GGNBP2: variants seen among roughly 807,000 people sequenced by gnomAD.
GGNBP2 encodes gametogenetin binding protein 2.
Under a neutral mutation model 85.9 loss-of-function variants are expected in GGNBP2, and 10 were observed. That is an observed-to-expected ratio of 0.12 (90% CI 0.07 to 0.20). GGNBP2 has a LOEUF of 0.20. Ranked by LOEUF, GGNBP2 falls within the 10% of genes least tolerant of loss-of-function variation. The pLI is 1.00. For missense variants in GGNBP2, 595 were observed against 857.8 expected (o/e 0.69, Z 3.83); for synonymous variants, 287 against 285.7 (o/e 1.00, Z -0.05).
At chr17:36,558,501 G>A (rs918805627) in intron 4 of GGNBP2, among the ~76,000 whole-genome samples, 2 of 150,156 alleles carry the variant, frequency 1.3e-5, no homozygotes, top group Admixed American at 6.6e-5. Flanking sequence ...TGTTGCCCAG[G>A]CTGGAGTGCA....
chr17:36,573,934 T>C (rs1196195199), intron 6 of GGNBP2, among the ~76,000 whole-genome samples: 2 of 152,158 alleles, frequency 1.3e-5, no homozygotes, highest in Non-Finnish European at 2.9e-5. Flanking sequence ...TGCAGTGGCA[T>C]GATCACGGCT....
intron 6 of GGNBP2, among the ~76,000 whole-genome samples, chr17:36,571,751 G>T (rs1307569300): frequency 1.3e-5 from 2 of 152,200 alleles, no homozygotes; most frequent in Non-Finnish European, 2.9e-5. Flanking sequence ...GCTGAGGCAG[G>T]AGAATGGCGT....
rs374366757 is a variant in GGNBP2, at chr17:36,575,648, A to ATATATATATT, written c.642-2334_642-2333insATATATATTT. 1.6e-3 allele frequency among the ~76,000 whole-genome samples: 88 copies of ATATATATATT among 54,898 alleles called. 1 individual carries two copies. The highest frequency in any genetic ancestry group is 2.7e-3 in the African/African-American group (25 of 9,190). 36.0% of individuals were successfully genotyped at this position (54,898 alleles called of 152,430 possible). On this transcript the variant is annotated intron_variant, in intron 6 of 13. Transcript: ENST00000613102. ...TATATATATATATATATATATATAT[A>ATATATATATT]TTTTTTTTTTTTTTTGAGATGGAGT...
chr17:36,574,763 A>G (rs1175945432), intron 6 of GGNBP2: 1 of 638,832 alleles, frequency 1.6e-6, no homozygotes, highest in Non-Finnish European at 2.8e-6. Context: ...GATGAGGCGC[A>G]CCAGCACAGA....
At chr17:36,582,555 A>T (rs2074661784) in intron 9 of GGNBP2, 1 of 152,178 alleles carries the variant, frequency 6.6e-6, no homozygotes, top group Non-Finnish European at 1.5e-5. Context: ...TGGAGGGTTA[A>T]CTGTATGGCT....
intron 6 of GGNBP2, among the ~76,000 whole-genome samples, chr17:36,569,517 T>A (rs1473050301): frequency 6.6e-6 from 1 of 152,236 alleles, no homozygotes; most frequent in Admixed American, 6.5e-5. Flanking sequence ...CCTTTGACTT[T>A]GAGGCAGATA....
chr17:36,559,204 C>CA (rs34349354), intron 4 of GGNBP2, among the ~76,000 whole-genome samples: 5 of 147,520 alleles, frequency 3.4e-5, no homozygotes, highest in African/African-American at 1.3e-4. Flanking sequence ...GAGGCTGAGA[C>CA]GGGAATCGCT....
At chr17:36,558,204 A>G (rs1314816214) in intron 4 of GGNBP2, among the ~76,000 whole-genome samples, 5 of 151,990 alleles carry the variant, frequency 3.3e-5, no homozygotes, top group Non-Finnish European at 5.9e-5. Context: ...GCCTGAGCTC[A>G]GGAGTTCAAG....
chr17:36,556,976 C>T, intron 3 of GGNBP2, 107 bp from the exon 4 acceptor site: 1 of 1,339,798 alleles, frequency 7.5e-7, no homozygotes, highest in Non-Finnish European at 1.0e-6. Flanking sequence ...GCTGGTAAAC[C>T]CTGGCCAGGT....
At chr17:36,548,651 A>AAAAAAAAAAAAAC in intron 2 of GGNBP2, among the ~76,000 whole-genome samples, 1 of 136,724 alleles carries the variant, frequency 7.3e-6, no homozygotes, top group African/African-American at 2.8e-5. Flanking sequence ...AAAAAAAAAA[A>AAAAAAAAAAAAAC]AGTAGCCTTA....
intron 10 of GGNBP2, 52 bp downstream of exon 10, chr17:36,585,502 CT>C (rs772762029): frequency 1.8e-5 from 23 of 1,270,798 alleles, no homozygotes; most frequent in Non-Finnish European, 2.5e-5. Flanking sequence ...TTCTTTCTTA[CT>C]GTTAAATGTA....
chr17:36,549,609 A>ACG (rs879933891), intron 2 of GGNBP2, among the ~76,000 whole-genome samples: 7 of 128,170 alleles, frequency 5.5e-5, no homozygotes, highest in Non-Finnish European at 1.3e-4. Context: ...TCAGTCCTAG[A>ACG]CACACAGATA....
intron 8 of GGNBP2, among the ~76,000 whole-genome samples, chr17:36,580,492 A>C (rs1471288852): frequency 6.6e-6 from 1 of 150,524 alleles, no homozygotes; most frequent in Non-Finnish European, 1.5e-5. Flanking sequence ...GATTACAGGC[A>C]TGAGCCACGG....
chr17:36,552,098 A>G (rs1268651821), intron 2 of GGNBP2, among the ~76,000 whole-genome samples: 1 of 152,218 alleles, frequency 6.6e-6, no homozygotes, highest in African/African-American at 2.4e-5. Flanking sequence ...GAAATGGTGT[A>G]TATTTGTATC....
chr17:36,575,368 G>T, intron 6 of GGNBP2: 1 of 324,898 alleles, frequency 3.1e-6, no homozygotes, highest in Non-Finnish European at 5.9e-6. Flanking sequence ...TTTTTGTTGT[G>T]CATGTGTGCT....
intron 2 of GGNBP2, among the ~76,000 whole-genome samples, chr17:36,553,043 C>T (rs1222796407): frequency 8.3e-6 from 1 of 121,000 alleles, no homozygotes; most frequent in Non-Finnish European, 1.9e-5. Flanking sequence ...AAAAAAAAAG[C>T]TATTGAAATG....
In GGNBP2 at chr17:36,587,239, ACTC is replaced by A; in HGVS notation, c.1887_1889del (p.Leu630del). ...GAAAAGGTGCCAAGAGCTTAGTTGAACTCCTTGTAAGTATTCCATGTGGTCTTA... is the reference window on the plus strand; with the variant it reads ...GAAAAGGTGCCAAGAGCTTAGTTGAACTTGTAAGTATTCCATGTGGTCTTA... On this transcript the variant is annotated inframe_deletion, in exon 13 of 14. Coordinates refer to ENST00000613102, the MANE Select transcript of GGNBP2 (RefSeq NM_024835.5). 1.2e-6 allele frequency: 2 copies of A among 1,613,750 alleles called. No homozygotes were observed. The highest frequency in any genetic ancestry group is 1.7e-6 in the Non-Finnish European group (2 of 1,179,916).
chr17:36,551,506 G>T (rs1388171286), intron 2 of GGNBP2, among the ~76,000 whole-genome samples: 1 of 151,208 alleles, frequency 6.6e-6, no homozygotes, highest in Admixed American at 6.6e-5. Context: ...CTTCTTTATT[G>T]ACTTCTTAGA....
intron 13 of GGNBP2, among the ~76,000 whole-genome samples, chr17:36,588,161 G>A (rs1294476595): frequency 6.6e-6 from 1 of 152,214 alleles, no homozygotes; most frequent in African/African-American, 2.4e-5. Context: ...CTGACCCAGT[G>A]CGTAGTATAG....
Sources: gnomAD v4.1 joint callset for allele counts (sites outside exome capture counted in the v4.1 genomes callset) on GRCh38, gnomAD v4.1.1 for gene constraint, MANE v1.5 for transcripts, NCBI Gene and HGNC (gene_info 2026-07-23, HGNC 2026-07-21) for gene names.